The following DCC variants were observed in gnomAD, a reference collection of about 807,000 sequenced individuals.
The protein encoded by DCC is netrin receptor DCC.
A neutral mutation model predicts 172.5 loss-of-function variants in DCC; 58 were observed. The observed-to-expected ratio is 0.34, with a 90% confidence interval of 0.27 to 0.42. The LOEUF (loss-of-function observed/expected upper bound fraction) is 0.42, where lower values mean the gene tolerates loss of function less well. DCC is among the 10% of genes least tolerant of loss of function. The pLI, the probability that DCC is intolerant of heterozygous loss-of-function variation, is 1.00. For synonymous variants in DCC, 709 were observed against 644.5 expected, an observed-to-expected ratio of 1.10 and a Z score of -1.52; for missense variants, 1,740 against 1,791.0, an observed-to-expected ratio of 0.97 and a Z score of 0.51.
At chr18:52,406,399 G>T (rs1986653347) in intron 1 of DCC, among the ~76,000 whole-genome samples, 1 of 151,778 alleles carries the variant, frequency 6.6e-6, no homozygotes, top group Admixed American at 6.6e-5. Context: ...TACAAAATGG[G>T]AGAAAATTTT....
chr18:52,709,982 T>G (rs2145052963), intron 1 of DCC, among the ~76,000 whole-genome samples: 1 of 152,328 alleles, frequency 6.6e-6, no homozygotes, highest in South Asian at 2.1e-4. Flanking sequence ...GAATAGGCAT[T>G]CTCAGACCCT....
chr18:52,472,760 C>G (rs1988983243), intron 1 of DCC, among the ~76,000 whole-genome samples: 1 of 151,986 alleles, frequency 6.6e-6, no homozygotes, highest in African/African-American at 2.4e-5. Context: ...TAAAAATTAG[C>G]CGGGTAAGGT....
intron 1 of DCC, among the ~76,000 whole-genome samples, chr18:52,668,632 C>T (rs1014923057): frequency 1.3e-5 from 2 of 152,214 alleles, no homozygotes; most frequent in Non-Finnish European, 2.9e-5. Flanking sequence ...CCCCCAAAGC[C>T]ATCTTTGATG....
chr18:53,428,309 T>C (rs1911199015), intron 21 of DCC, among the ~76,000 whole-genome samples: 1 of 28,394 alleles, frequency 3.5e-5, no homozygotes, highest in Non-Finnish European at 8.8e-5. Flanking sequence ...ATATATAGAA[T>C]ATAATATATA....
At chr18:53,180,802 G>A (rs1303432102) in intron 9 of DCC, among the ~76,000 whole-genome samples, 8 of 151,926 alleles carry the variant, frequency 5.3e-5, no homozygotes, top group South Asian at 2.1e-4. Flanking sequence ...TAGTAGAGAC[G>A]AGCTTTCACC....
In DCC at chr18:53,531,626, G is replaced by A. The variant is rs1030854627; in HGVS notation, c.*973G>A. On this transcript the variant is annotated 3_prime_UTR_variant, in exon 29 of 29. Coordinates refer to ENST00000442544, the MANE Select transcript of DCC (RefSeq NM_005215.4). ...TTGGGTGAAATGGCCAGCTCCACAT[G>A]TCATATGGTGCACTGGCCAATGTCG... 2.6e-5 allele frequency: 4 copies of A among 152,296 alleles called. No homozygotes were observed. The highest frequency in any genetic ancestry group is 2.0e-4 in the Admixed American group (3 of 15,278). 9.4% of individuals were successfully genotyped at this position (152,296 alleles called of 1,614,324 possible).
intron 1 of DCC, among the ~76,000 whole-genome samples, chr18:52,545,424 T>C (rs546822290): frequency 4.6e-4 from 70 of 152,296 alleles, no homozygotes; most frequent in South Asian, 1.0e-3. Context: ...GAGCCAATCA[T>C]AGTGTAACTT....
At chr18:53,108,378 G>A (rs900672705) in intron 7 of DCC, among the ~76,000 whole-genome samples, 1 of 151,766 alleles carries the variant, frequency 6.6e-6, no homozygotes, top group Non-Finnish European at 1.5e-5. Context: ...TAGGAAGAAT[G>A]TATCCACACA....
chr18:52,824,537 CAAAA>C (rs748515950), intron 2 of DCC, among the ~76,000 whole-genome samples: 1 of 149,590 alleles, frequency 6.7e-6, no homozygotes, highest in Non-Finnish European at 1.5e-5. Flanking sequence ...TCATTAATTT[CAAAA>C]AAAAATTAGA....
chr18:52,511,464 G>A (rs528902981), intron 1 of DCC, among the ~76,000 whole-genome samples: 23 of 152,236 alleles, frequency 1.5e-4, no homozygotes, highest in Non-Finnish European at 3.2e-4. Context: ...CCAAAAGTGT[G>A]CAGCAATGGC....
chr18:53,158,491 T>C (rs998038971), intron 8 of DCC, among the ~76,000 whole-genome samples: 2 of 152,196 alleles, frequency 1.3e-5, no homozygotes, highest in Admixed American at 6.5e-5. Flanking sequence ...AAACATGTGA[T>C]GATCTTTAGA....
intron 1 of DCC, among the ~76,000 whole-genome samples, chr18:52,572,721 C>T (rs1218511718): frequency 6.6e-6 from 1 of 152,146 alleles, no homozygotes; most frequent in African/African-American, 2.4e-5. Flanking sequence ...ATCTTGTGTA[C>T]AGTTAGAAAG....
Position 53,036,747 on chromosome 18 carries a change from T to A in DCC, c.986-26558T>A, listed in dbSNP as rs149037824. On this transcript the variant is annotated intron_variant, in intron 5 of 28. Coordinates refer to ENST00000442544, the MANE Select transcript of DCC (RefSeq NM_005215.4). ...TTTAATTGTGCGTGGAGAAGGCAAA[T>A]GAGAAAGCAGAAATTGAAATGGAAA... Among the ~76,000 whole-genome samples, 438 of 152,006 alleles carry A rather than the reference T, an allele frequency of 2.9e-3. 1 individual carries two copies. The highest frequency in any genetic ancestry group is 4.9e-3 in the Non-Finnish European group (333 of 67,916).
At chr18:52,912,453 A>T (rs2039983446) in intron 3 of DCC, among the ~76,000 whole-genome samples, 1 of 152,086 alleles carries the variant, frequency 6.6e-6, no homozygotes, top group African/African-American at 2.4e-5. Context: ...AGTTCATTAC[A>T]CATGCTTTAA....
intron 1 of DCC, among the ~76,000 whole-genome samples, chr18:52,385,973 A>C (rs1218956667): frequency 2.3e-4 from 35 of 152,132 alleles, no homozygotes; most frequent in Admixed American, 1.9e-3. Context: ...CATGATATAT[A>C]GATAGCACAG....
chr18:53,203,055 T>C (rs2055565796), intron 9 of DCC, among the ~76,000 whole-genome samples: 1 of 152,152 alleles, frequency 6.6e-6, no homozygotes, highest in Non-Finnish European at 1.5e-5. Context: ...GAAGATTAGA[T>C]AAAAGTATTG....
chr18:53,149,611 A>G (rs2043969085), intron 7 of DCC, among the ~76,000 whole-genome samples: 1 of 152,216 alleles, frequency 6.6e-6, no homozygotes, highest in Non-Finnish European at 1.5e-5. Flanking sequence ...ACTTGGAAAT[A>G]AAGAAATTAT....
At chr18:53,020,179 A>G (rs530163367) in intron 5 of DCC, among the ~76,000 whole-genome samples, 3 of 152,244 alleles carry the variant, frequency 2.0e-5, no homozygotes, top group African/African-American at 7.2e-5. Context: ...AGATATTTAT[A>G]TTCTAATGTG....
intron 1 of DCC, among the ~76,000 whole-genome samples, chr18:52,566,813 A>C (rs1360039408): frequency 1.3e-5 from 2 of 151,958 alleles, no homozygotes; most frequent in African/African-American, 4.8e-5. Context: ...AAAATGGTTT[A>C]TTTGGGCTTG....
Sources: gnomAD v4.1 joint callset for allele counts (sites outside exome capture counted in the v4.1 genomes callset) on GRCh38, gnomAD v4.1.1 for gene constraint, MANE v1.5 for transcripts, NCBI Gene and HGNC (gene_info 2026-07-23, HGNC 2026-07-21) for gene names.